The following SUPT3H variants were observed in gnomAD, a reference collection of about 807,000 sequenced individuals.
The protein encoded by SUPT3H is transcription initiation protein SPT3 homolog.
SUPT3H carries 44 observed loss-of-function variants against 44.3 expected under a neutral mutation model. The ratio of observed to expected loss-of-function variants is 0.99; its 90% CI spans 0.78 to 1.28. The LOEUF (loss-of-function observed/expected upper bound fraction) is 1.28. Ranked by LOEUF, SUPT3H falls within the 50% of genes most tolerant of loss-of-function variation. The probability of loss-of-function intolerance (pLI) is 0.00; values close to 1 mark genes in which losing one functional copy is unlikely to be tolerated. For synonymous variants in SUPT3H, 124 were observed against 125.6 expected (o/e 0.99, Z 0.09); for missense variants, 380 against 387.1 (o/e 0.98, Z 0.15).
intron 2 of SUPT3H, among the ~76,000 whole-genome samples, chr6:45,290,411 G>A (rs1365306028): frequency 7.0e-6 from 1 of 143,370 alleles, no homozygotes; most frequent in Non-Finnish European, 1.5e-5. Flanking sequence ...CACTGTCATA[G>A]GATTAAGTGA....
At chr6:44,914,927 T>A (rs933532013) in intron 10 of SUPT3H, among the ~76,000 whole-genome samples, 1 of 152,084 alleles carries the variant, frequency 6.6e-6, no homozygotes, top group Admixed American at 6.5e-5. Context: ...TAGGACTAGA[T>A]CCAAAAGGAG....
At chr6:45,113,871 G>C (rs1318194093) in intron 2 of SUPT3H, among the ~76,000 whole-genome samples, 1 of 147,906 alleles carries the variant, frequency 6.8e-6, no homozygotes, top group Admixed American at 6.8e-5. Context: ...TAAGACAACA[G>C]ATTTCCTAGC....
At chr6:45,098,568 C>T (rs1798116889) in intron 3 of SUPT3H, 1 of 314,272 alleles carries the variant, frequency 3.2e-6, no homozygotes, top group African/African-American at 2.2e-5. Flanking sequence ...TCCATGCAGA[C>T]ATGAGAAGCC....
At chr6:45,210,392 G>C (rs1763900117) in intron 2 of SUPT3H, among the ~76,000 whole-genome samples, 1 of 152,058 alleles carries the variant, frequency 6.6e-6, no homozygotes, top group African/African-American at 2.4e-5. Flanking sequence ...CCTGACAAAG[G>C]CATAAGTGAC....
chr6:45,281,926 T>A (rs1054695035), intron 2 of SUPT3H, among the ~76,000 whole-genome samples: 3 of 152,194 alleles, frequency 2.0e-5, no homozygotes, highest in African/African-American at 7.2e-5. Flanking sequence ...CATTTGCTGC[T>A]CACCAATATC....
chr6:44,870,934 T>C (rs1776330818), intron 10 of SUPT3H, among the ~76,000 whole-genome samples: 1 of 151,640 alleles, frequency 6.6e-6, no homozygotes, highest in African/African-American at 2.4e-5. Flanking sequence ...ATTGCGCTTT[T>C]CAGACCGGCT....
intron 10 of SUPT3H, among the ~76,000 whole-genome samples, chr6:44,857,036 C>A (rs1773849733): frequency 6.6e-6 from 1 of 151,884 alleles, no homozygotes; most frequent in Admixed American, 6.6e-5. Flanking sequence ...ATAAACTAAC[C>A]CAAAACATAG....
chr6:44,831,229 A>C (rs189231825), intron 10 of SUPT3H, among the ~76,000 whole-genome samples: 1 of 152,296 alleles, frequency 6.6e-6, no homozygotes, highest in East Asian at 1.9e-4. Flanking sequence ...TCAGTGTATC[A>C]GGGATGACAA....
intron 10 of SUPT3H, among the ~76,000 whole-genome samples, chr6:44,833,364 T>C (rs1219072074): frequency 6.6e-6 from 1 of 152,156 alleles, no homozygotes; most frequent in African/African-American, 2.4e-5. Context: ...GTGTGCTTGG[T>C]GGTACAACAG....
Position 45,125,571 on chromosome 6 carries a change from T to TCTTGCATCTCTTC in SUPT3H, c.102-19578_102-19566dup, listed in dbSNP as rs545062802. Among the ~76,000 whole-genome samples the TCTTGCATCTCTTC allele has an allele frequency of 1.4e-3, 209 of 152,324 alleles. 3 individuals carry two copies. The East Asian group carries it at 0.04, about 29-fold the overall frequency. ...TTTCAATAGTGCAACGTATCCACTT[T>TCTTGCATCTCTTC]CTTGCATCTCTTCCTGTTTTGATTT... is the stretch of plus-strand genomic sequence containing the variant. On this transcript the variant is annotated intron_variant, in intron 2 of 10. Transcript: ENST00000371459.
intron 10 of SUPT3H, among the ~76,000 whole-genome samples, chr6:44,929,160 C>A (rs1202214143): frequency 6.6e-6 from 1 of 151,960 alleles, no homozygotes; most frequent in Non-Finnish European, 1.5e-5. Flanking sequence ...TTCCTTTCTT[C>A]TATCACTTTA....
intron 2 of SUPT3H, among the ~76,000 whole-genome samples, chr6:45,344,823 G>A (rs1029498444): frequency 1.3e-5 from 2 of 152,134 alleles, no homozygotes; most frequent in African/African-American, 4.8e-5. Context: ...TAAAAATGCA[G>A]TAAGCCAAGA....
At chr6:44,832,558 G>GTTCTC (rs1242223981) in intron 10 of SUPT3H, among the ~76,000 whole-genome samples, 3 of 152,126 alleles carry the variant, frequency 2.0e-5, no homozygotes, top group Admixed American at 1.3e-4. Context: ...ATAAAGCTCT[G>GTTCTC]TTCTCAACAT....
intron 2 of SUPT3H, among the ~76,000 whole-genome samples, chr6:45,256,834 C>T (rs551452393): frequency 2.6e-5 from 4 of 152,270 alleles, no homozygotes; most frequent in Admixed American, 6.5e-5. Flanking sequence ...TATCCACTCA[C>T]GCACTGATGA....
chr6:45,162,446 C>A (rs1240802932), intron 2 of SUPT3H, among the ~76,000 whole-genome samples: 2 of 152,088 alleles, frequency 1.3e-5, no homozygotes, highest in Admixed American at 6.6e-5. Flanking sequence ...AATACTTAAG[C>A]CCAGAGGTTT....
chr6:44,913,817 A>G (rs1767415451), intron 10 of SUPT3H, among the ~76,000 whole-genome samples: 1 of 152,002 alleles, frequency 6.6e-6, no homozygotes, highest in Non-Finnish European at 1.5e-5. Context: ...TATTTTTGGT[A>G]TCTAAAATTT....
At chr6:45,262,674 C>A (rs1181606449) in intron 2 of SUPT3H, among the ~76,000 whole-genome samples, 1 of 152,048 alleles carries the variant, frequency 6.6e-6, no homozygotes, top group African/African-American at 2.4e-5. Context: ...AATTAAACTT[C>A]TGCACAGCAG....
chr6:45,056,398 C>T (rs1052468446), intron 3 of SUPT3H, among the ~76,000 whole-genome samples: 1 of 152,136 alleles, frequency 6.6e-6, no homozygotes, highest in East Asian at 1.9e-4. Flanking sequence ...TATAGCAGCA[C>T]AATTCACAAT....
intron 9 of SUPT3H, among the ~76,000 whole-genome samples, chr6:44,935,872 C>G (rs946543547): frequency 6.6e-6 from 1 of 152,176 alleles, no homozygotes; most frequent in Non-Finnish European, 1.5e-5. Flanking sequence ...CTCACTGAAC[C>G]TTTTTCTCCC....
Sources: allele counts gnomAD v4.1 joint callset (sites outside exome capture counted in the v4.1 genomes callset), GRCh38; gene constraint gnomAD v4.1.1; transcripts MANE v1.5; gene names NCBI Gene and HGNC (gene_info 2026-07-23, HGNC 2026-07-21).